KIAA1210: variants seen among roughly 807,000 people sequenced by gnomAD.
KIAA1210 encodes the protein KIAA1210.
In KIAA1210, 48 loss-of-function variants were observed where a neutral mutation model predicts 78.9. That is an observed-to-expected ratio of 0.61 (90% confidence interval 0.48 to 0.77). KIAA1210 has a LOEUF of 0.77. KIAA1210 is among the 30% of genes least tolerant of loss of function. The pLI, the probability that KIAA1210 is intolerant of heterozygous loss-of-function variation, is 0.00. For synonymous variants in KIAA1210, 406 were observed against 404.5 expected (o/e 1.00, Z -0.04); for missense variants, 1,108 against 1,100.0 (o/e 1.01, Z -0.10).
chrX:119,111,407 A>G (rs959385631), intron 3 of KIAA1210, among the ~76,000 whole-genome samples: 13 of 111,976 alleles, frequency 1.2e-4, no homozygotes, highest in African/African-American at 4.2e-4. Context: ...CATATACACC[A>G]TGGAATACTA....
At chrX:119,133,918 A>T (rs1928854023) in intron 2 of KIAA1210, among the ~76,000 whole-genome samples, 1 of 111,172 alleles carries the variant, frequency 9.0e-6, no homozygotes, top group Non-Finnish European at 1.9e-5. Flanking sequence ...ACATGCATAG[A>T]ACATATAATC....
upstream of KIAA1210, among the ~76,000 whole-genome samples, chrX:119,132,159 C>T (rs752225788): frequency 8.9e-5 from 10 of 112,033 alleles, no homozygotes; most frequent in Non-Finnish European, 1.1e-4. Context: ...AACCCTGTAC[C>T]TCAGAGGAGA....
upstream of KIAA1210, chrX:119,150,691 C>A: frequency 1.2e-6 from 1 of 827,219 alleles, no homozygotes; most frequent in Non-Finnish European, 1.7e-6. Context: ...ACACGCACAC[C>A]TGCGCGAGCT....
intron 2 of KIAA1210, among the ~76,000 whole-genome samples, chrX:119,134,757 A>G (rs1248220602): frequency 8.9e-6 from 1 of 112,349 alleles, no homozygotes; most frequent in Non-Finnish European, 1.9e-5. Context: ...CATCCAGTGA[A>G]CATGCAAAGA....
chrX:119,124,756 G>A (rs913024862), intron 1 of KIAA1210, among the ~76,000 whole-genome samples: 1 of 110,995 alleles, frequency 9.0e-6, no homozygotes, highest in Non-Finnish European at 1.9e-5. Flanking sequence ...GGGCATTGTG[G>A]CATGTGCCTG....
chrX:119,097,538 A>G (rs1308321089), intron 6 of KIAA1210, among the ~76,000 whole-genome samples: 1 of 112,036 alleles, frequency 8.9e-6, no homozygotes, highest in Admixed American at 9.5e-5. Context: ...CAAACCATAT[A>G]TTATAATTTA....
In KIAA1210 at chrX:119,089,032, G is replaced by A. The variant is rs747692935; in HGVS notation, c.1670C>T (p.Pro557Leu). Residue 557 changes from proline to leucine, a missense_variant, in exon 9 of 12, where the codon CCT (proline) becomes CTT (leucine). Coordinates refer to ENST00000691062, the MANE Select transcript of KIAA1210 (RefSeq NM_001394962.1). ...QDVQTICKEK[P>L]SGNVHQTFTA... ...AAAGGTCTGGTGAACATTTCCAGAA[G>A]GCTTTTCTTTGCAGATAGTTTGAAC... is the stretch of plus-strand genomic sequence containing the variant. The A allele has an allele frequency of 1.7e-6, 2 of 1,211,872 alleles. No homozygotes were observed. The highest frequency in any genetic ancestry group is 2.2e-6 in the Non-Finnish European group (2 of 895,291).
At chrX:119,095,772 T>G (rs1603266431) in intron 7 of KIAA1210, among the ~76,000 whole-genome samples, 1 of 112,627 alleles carries the variant, frequency 8.9e-6, no homozygotes, top group East Asian at 2.8e-4. Context: ...AATAATCTAC[T>G]TTTTCTAGAT....
At position 119,079,343 on chromosome X, in the gene KIAA1210, G is replaced by T. The variant is rs1926865743; in HGVS notation, c.*1986C>A. 8.9e-6 allele frequency: 1 copy of T among 111,968 alleles called. No homozygotes were observed. Among genetic ancestry groups the T allele is most frequent in the African/African-American group, 3.2e-5 (1 of 30,771 alleles). 9.2% of individuals were successfully genotyped at this position (111,968 alleles called of 1,213,427 possible). On this transcript the variant is annotated 3_prime_UTR_variant, in exon 12 of 12. Coordinates refer to ENST00000691062, the MANE Select transcript of KIAA1210 (RefSeq NM_001394962.1). ...CAGACACAGTGATAACTACTCAGAA[G>T]TCACTTCTGGGTCTCCTAGAAAAAT...
intron 2 of KIAA1210, among the ~76,000 whole-genome samples, chrX:119,132,860 T>C (rs999340613): frequency 1.8e-5 from 2 of 111,812 alleles, no homozygotes; most frequent in Non-Finnish European, 3.8e-5. Context: ...GGTCTCAAAC[T>C]ACTGGGCTCA....
Position 119,082,997 on chromosome X carries a change from CAG to C in KIAA1210, c.4426+16_4426+17del, listed in dbSNP as rs1239780559. ...CTGTCGGGGCTGTTTTTTGAGAGGT[CAG>C]AATGTATGCTTTTACCTGATTTTGT... On this transcript the variant is annotated intron_variant, in intron 11 of 11. Transcript: ENST00000691062. 4.4e-6 allele frequency: 5 copies of C among 1,129,572 alleles called. No individual in the cohort carries two copies. Among genetic ancestry groups the C allele is most frequent in the Non-Finnish European group, 6.0e-6 (5 of 834,294 alleles). 93.1% of individuals were successfully genotyped at this position (1,129,572 alleles called of 1,213,427 possible). A position where few individuals can be genotyped will look rare whatever the true frequency, so the allele number is the denominator to read the frequency against.
rs112854600 is a variant in KIAA1210, at chrX:119,108,727, C to T, written c.358-256G>A. Among the ~76,000 whole-genome samples the T allele has an allele frequency of 3.8e-3, 415 of 108,473 alleles. 1 individual carries two copies. Among genetic ancestry groups the T allele is most frequent in the African/African-American group, 0.013 (382 of 29,625 alleles). 94.2% of individuals were successfully genotyped at this position (108,473 alleles called of 115,157 possible). A position where few individuals can be genotyped will look rare whatever the true frequency, so the allele number is the denominator to read the frequency against. On this transcript the variant is annotated intron_variant, in intron 4 of 11. Transcript: ENST00000691062. Reference sequence around the variant, plus strand: ...AAAAAGTACCAAAAAATCATCCAGGCGTTACAGGCCTGTAGTGCCAGCTAC... The same window carrying T: ...AAAAAGTACCAAAAAATCATCCAGGTGTTACAGGCCTGTAGTGCCAGCTAC...
At chrX:119,125,618 C>T (rs1401878063) in intron 1 of KIAA1210, among the ~76,000 whole-genome samples, 2 of 96,952 alleles carry the variant, frequency 2.1e-5, no homozygotes, top group Admixed American at 2.4e-4. Flanking sequence ...AATCATAGTT[C>T]ACTGCAGCCT....
At chrX:119,122,070 T>TTTA (rs1472210255) in intron 2 of KIAA1210, among the ~76,000 whole-genome samples, 1 of 89,141 alleles carries the variant, frequency 1.1e-5, no homozygotes, top group Non-Finnish European at 2.2e-5. Flanking sequence ...CATTTTTTTT[T>TTTA]TTTTTTTTTT....
intron 6 of KIAA1210, among the ~76,000 whole-genome samples, chrX:119,097,391 G>A (rs1927589875): frequency 9.0e-6 from 1 of 110,821 alleles, no homozygotes; most frequent in African/African-American, 3.3e-5. Flanking sequence ...GTCTCCTCTG[G>A]GCTTCTGGAC....
intron 2 of KIAA1210, among the ~76,000 whole-genome samples, chrX:119,119,490 G>A (rs193260052): frequency 1.8e-5 from 2 of 112,008 alleles, no homozygotes; most frequent in South Asian, 3.7e-4. Flanking sequence ...AATAGGAAAC[G>A]TATATTTTCT....
At chrX:119,118,128 T>C (rs1380916916) in intron 2 of KIAA1210, among the ~76,000 whole-genome samples, 1 of 111,741 alleles carries the variant, frequency 8.9e-6, no homozygotes, top group African/African-American at 3.3e-5. Context: ...GTGCTGGCAA[T>C]GAAGGGTCCA....
chrX:119,149,304 G>A (rs1283861282), intron 1 of KIAA1210, among the ~76,000 whole-genome samples: 1 of 111,524 alleles, frequency 9.0e-6, no homozygotes, highest in African/African-American at 3.3e-5. Flanking sequence ...AAGAAGGCAA[G>A]CTCCTTAAGT....
intron 3 of KIAA1210, among the ~76,000 whole-genome samples, chrX:119,111,645 A>G (rs960495367): frequency 9.0e-6 from 1 of 110,953 alleles, no homozygotes; most frequent in Admixed American, 9.6e-5. Context: ...TAGGAGAAAT[A>G]CCTAATGTAG....
Sources: allele counts gnomAD v4.1 joint callset (sites outside exome capture counted in the v4.1 genomes callset), GRCh38; gene constraint gnomAD v4.1.1; transcripts MANE v1.5; gene names NCBI Gene and HGNC (gene_info 2026-07-23, HGNC 2026-07-21).